ZNF469: variants seen among roughly 807,000 people sequenced by gnomAD.
The protein encoded by ZNF469 is zinc finger protein 469.
Under a neutral mutation model 1.0 loss-of-function variants are expected in ZNF469, and 1 was observed. The observed-to-expected ratio is 1.00, with a 90% CI of 0.35 to 4.73. The LOEUF (loss-of-function observed/expected upper bound fraction) is 4.73. ZNF469 is among the 30% of genes most tolerant of loss of function. ZNF469 has a pLI of 0.16. For synonymous variants in ZNF469, 2,703 were observed against 2,363.4 expected (o/e 1.14, Z -4.17); for missense variants, 6,100 against 5,356.3 (o/e 1.14, Z -4.33).
At chr16:88,272,748 G>A in the ZNF469 span, among the ~76,000 whole-genome samples, 9 of 149,798 alleles carry the variant, frequency 6.0e-5, no homozygotes, top group Non-Finnish European at 8.9e-5. Flanking sequence ...ATGGATGAAC[G>A]GGTGGGTGTG....
chr16:88,300,742 G>A, the ZNF469 span, among the ~76,000 whole-genome samples: 12 of 152,276 alleles, frequency 7.9e-5, no homozygotes, highest in African/African-American at 2.6e-4. Context: ...CAAGCTGGTT[G>A]TCTCACTCTA....
the ZNF469 span, among the ~76,000 whole-genome samples, chr16:88,300,839 T>C: frequency 1.3e-5 from 2 of 152,226 alleles, no homozygotes; most frequent in Non-Finnish European, 2.9e-5. Flanking sequence ...CCAAGGCGGT[T>C]GGATCACCTG....
the ZNF469 span, among the ~76,000 whole-genome samples, chr16:88,112,999 C>G: frequency 1.3e-5 from 2 of 151,890 alleles, no homozygotes; most frequent in African/African-American, 2.4e-5. Flanking sequence ...AGGATGGTCT[C>G]GATCTCCTGA....
chr16:88,170,663 CCTGCTTGT>C, the ZNF469 span, among the ~76,000 whole-genome samples: 1 of 152,154 alleles, frequency 6.6e-6, no homozygotes, highest in African/African-American at 2.4e-5. This position sits in a 1 kb window ranked among gnomAD's most constrained non-coding sequence, Gnocchi z 4.2. Flanking sequence ...TATACCACGC[CCTGCTTGT>C]CTGCTCGTCT....
the ZNF469 span, among the ~76,000 whole-genome samples, chr16:88,310,365 C>A: frequency 6.6e-6 from 1 of 151,990 alleles, no homozygotes; most frequent in Non-Finnish European, 1.5e-5. Context: ...TTAGGGTGGC[C>A]ATGAAAGGCA....
chr16:88,148,630 C>G, the ZNF469 span, among the ~76,000 whole-genome samples: 1 of 152,164 alleles, frequency 6.6e-6, no homozygotes, highest in African/African-American at 2.4e-5. Context: ...TTGAGGCAAA[C>G]CCCCTTCCAG....
At chr16:88,288,884 C>G in the ZNF469 span, among the ~76,000 whole-genome samples, 1 of 152,102 alleles carries the variant, frequency 6.6e-6, no homozygotes, top group Non-Finnish European at 1.5e-5. Context: ...AACAGAAGCA[C>G]TAAGGGCAAC....
At chr16:88,226,671 A>G in the ZNF469 span, among the ~76,000 whole-genome samples, 1 of 151,816 alleles carries the variant, frequency 6.6e-6, no homozygotes, top group Non-Finnish European at 1.5e-5. Context: ...GATGCTCCAG[A>G]TGCTCGCCCA....
Position 88,430,765 on chromosome 16 carries a change from G to C in ZNF469, c.3295G>C (p.Glu1099Gln). The change falls in exon 3 of 3, where the codon GAG becomes CAG. Residue 1099 changes from glutamate (E) to glutamine (Q), a missense_variant. Coordinates refer to ENST00000565624, the MANE Select transcript of ZNF469 (RefSeq NM_001367624.2). ...CGAGTACGACTTCGCCTCGGAGTCC[G>C]AGGAGGACGAGCAGCCTCCGCCGCG... is the stretch of plus-strand genomic sequence containing the variant. Reference protein sequence around the residue: ...LREYDFASESEEDEQPPPRGP... With the variant: ...LREYDFASESQEDEQPPPRGP... 3 of 1,518,834 alleles carry C rather than the reference G, an allele frequency of 2.0e-6. No individual in the cohort carries two copies. Among genetic ancestry groups the C allele is most frequent in the Non-Finnish European group, 2.6e-6 (3 of 1,140,346 alleles). 94.1% of individuals were successfully genotyped at this position (1,518,834 alleles called of 1,614,324 possible).
chr16:88,433,874 C>T lies in ZNF469; in HGVS notation c.6404C>T (p.Pro2135Leu). 6.5e-7 allele frequency: 1 copy of T among 1,548,830 alleles called. No individual in the cohort carries two copies. The highest frequency in any genetic ancestry group is 8.7e-7 in the Non-Finnish European group (1 of 1,145,952). Residue 2135 changes from proline (P) to leucine (L), a missense_variant, in exon 3 of 3, where the codon CCA (proline) becomes CTA (leucine). By Grantham distance (98) the Pro-to-Leu change is moderately conservative (BLOSUM62 -3). Transcript: ENST00000565624. ...CTTGGGCCCCTGCCCCGTGAAGACCCACTTACCTCGCCTTCCAGGGCCCAA... is the reference window on the plus strand; with the variant it reads ...CTTGGGCCCCTGCCCCGTGAAGACCTACTTACCTCGCCTTCCAGGGCCCAA... ...CSLGPLPRED[P>L]LTSPSRAQGG...
At chr16:88,414,595 G>A (rs1905257636) in intron 1 of ZNF469, among the ~76,000 whole-genome samples, 1 of 152,250 alleles carries the variant, frequency 6.6e-6, no homozygotes, top group African/African-American at 2.4e-5. Flanking sequence ...CACGGCAGGA[G>A]GGTCCGAGGG....
chr16:88,410,909 C>G (rs1905140697), intron 1 of ZNF469, among the ~76,000 whole-genome samples: 2 of 152,170 alleles, frequency 1.3e-5, no homozygotes, highest in Admixed American at 1.3e-4. Context: ...CCCACCTCCT[C>G]CTCCTCCAGC....
chr16:88,388,273 G>T (rs1441099682), intron 1 of ZNF469, among the ~76,000 whole-genome samples: 1 of 152,240 alleles, frequency 6.6e-6, no homozygotes, highest in African/African-American at 2.4e-5. Context: ...AGGCAGGATG[G>T]GGGACATTCC....
At chr16:88,192,879 G>GGTA in the ZNF469 span, among the ~76,000 whole-genome samples, 6 of 148,908 alleles carry the variant, frequency 4.0e-5, no homozygotes, top group Admixed American at 6.7e-5. Context: ...TGGTGATGAT[G>GGTA]ATGATGGTGG....
In ZNF469 at chr16:88,434,984, C is replaced by T. The variant is rs552311966; in HGVS notation, c.7514C>T (p.Pro2505Leu). 1.7e-4 allele frequency: 256 copies of T among 1,550,156 alleles called. No individual in the cohort carries two copies. Among genetic ancestry groups the T allele is most frequent in the South Asian group, 1.2e-3 (101 of 84,064 alleles). ...CCACACCCGGGAGCCCCCGCGGAGCCGAGCCCAGCGGCCTTGCCTGCTCAG... is the reference window on the plus strand; with the variant it reads ...CCACACCCGGGAGCCCCCGCGGAGCTGAGCCCAGCGGCCTTGCCTGCTCAG... ...HRPHPGAPAE[P>L]SPAALPAQQP... Residue 2505 changes from proline (P) to leucine (L), a missense_variant, in exon 3 of 3, where the codon CCG (proline) becomes CTG (leucine). Pro to Leu is a moderately conservative substitution (Grantham distance 98). Transcript: ENST00000565624.
chr16:88,281,940 T>C, the ZNF469 span, among the ~76,000 whole-genome samples: 1 of 152,314 alleles, frequency 6.6e-6, no homozygotes, highest in South Asian at 2.1e-4. Flanking sequence ...GGTCAGTGCA[T>C]GGATTGTACT....
chr16:88,421,761 C>T (rs1188751588), intron 1 of ZNF469, among the ~76,000 whole-genome samples: 1 of 152,240 alleles, frequency 6.6e-6, no homozygotes, highest in Non-Finnish European at 1.5e-5. Flanking sequence ...ATAGACAGTC[C>T]TGCCTTCAAA....
rs889719149 is a variant in ZNF469, at chr16:88,435,551, G to A, written c.8081G>A (p.Arg2694His). ...GAGGCTGACGGGGAGCAGCCGCCTCGCTTGGCCACTCTGGGACCTGGGGTG... is the reference window on the plus strand; with the variant it reads ...GAGGCTGACGGGGAGCAGCCGCCTCACTTGGCCACTCTGGGACCTGGGGTG... ...GPEADGEQPP[R>H]LATLGPGVME... The change falls in exon 3 of 3, where the codon CGC (arginine) becomes CAC (histidine). Residue 2694 changes from arginine to histidine, a missense_variant. Coordinates refer to ENST00000565624, the MANE Select transcript of ZNF469 (RefSeq NM_001367624.2). 7 of 1,549,528 alleles carry A rather than the reference G, an allele frequency of 4.5e-6. No homozygotes were observed. Among genetic ancestry groups the A allele is most frequent in the South Asian group, 1.2e-5 (1 of 84,062 alleles).
At position 88,434,676 on chromosome 16, in the gene ZNF469, A is replaced by G. The variant is rs1371093818; in HGVS notation, c.7206A>G (p.Gly2402=). Residue 2402 remains glycine, a synonymous_variant, in exon 3 of 3, where the codon GGA becomes GGG. Transcript: ENST00000565624. The part of the protein sequence containing the change: ...KMPRVTCPST[G]LGLGRTTAPS... ...CCAGGGTCACCTGCCCTTCCACAGGACTGGGCTTGGGAAGAACCACAGCCC... is the reference window on the plus strand; with the variant it reads ...CCAGGGTCACCTGCCCTTCCACAGGGCTGGGCTTGGGAAGAACCACAGCCC... 7.1e-6 allele frequency: 11 copies of G among 1,550,210 alleles called. No homozygotes were observed. Among genetic ancestry groups the G allele is most frequent in the Non-Finnish European group, 9.6e-6 (11 of 1,146,972 alleles).
Sources: allele counts gnomAD v4.1 joint callset (sites outside exome capture counted in the v4.1 genomes callset), GRCh38; gene constraint gnomAD v4.1.1; non-coding constraint Gnocchi (gnomAD v3.1); transcripts MANE v1.5; gene names NCBI Gene and HGNC (gene_info 2026-07-23, HGNC 2026-07-21).